EPHA6: variants seen among roughly 807,000 people sequenced by gnomAD.
The protein encoded by EPHA6 is EPH receptor A6.
A neutral mutation model predicts 112.0 loss-of-function variants in EPHA6; 50 were observed. The observed-to-expected ratio is 0.45, with a 90% confidence interval of 0.36 to 0.56. The LOEUF (loss-of-function observed/expected upper bound fraction) is 0.56, where lower values mean the gene tolerates loss of function less well. EPHA6 is among the 20% of genes least tolerant of loss of function. EPHA6 has a pLI of 0.00. For synonymous variants in EPHA6, 529 were observed against 490.7 expected (o/e 1.08, Z -1.03); for missense variants, 1,280 against 1,417.4 (o/e 0.90, Z 1.56).
intron 1 of EPHA6, among the ~76,000 whole-genome samples, chr3:96,864,321 G>C (rs1243423654): frequency 1.3e-5 from 2 of 152,054 alleles, no homozygotes; most frequent in East Asian, 3.9e-4. Context: ...AAATAGCCCA[G>C]ATGTCCATCA....
chr3:96,951,691 G>T (rs781593664), intron 2 of EPHA6, among the ~76,000 whole-genome samples: 7 of 152,166 alleles, frequency 4.6e-5, no homozygotes, highest in Non-Finnish European at 1.0e-4. Flanking sequence ...CAACTAATCT[G>T]ATTTTTATAC....
chr3:97,669,092 G>A (rs1560249631), intron 14 of EPHA6, among the ~76,000 whole-genome samples: 3 of 151,982 alleles, frequency 2.0e-5, no homozygotes, highest in East Asian at 3.9e-4. Flanking sequence ...TAGAATGTTA[G>A]TGAGTCATCC....
intron 5 of EPHA6, among the ~76,000 whole-genome samples, chr3:97,285,327 T>G (rs1464909471): frequency 6.6e-6 from 1 of 152,092 alleles, no homozygotes; most frequent in Non-Finnish European, 1.5e-5. Context: ...ACTTAATCCT[T>G]CTATTTGACT....
intron 3 of EPHA6, among the ~76,000 whole-genome samples, chr3:97,004,825 T>C (rs2043812446): frequency 6.6e-6 from 1 of 151,624 alleles, no homozygotes; most frequent in Non-Finnish European, 1.5e-5. Flanking sequence ...GTATAAGCTA[T>C]AAGGAAAGTG....
At chr3:97,208,767 A>G (rs201021480) in intron 3 of EPHA6, among the ~76,000 whole-genome samples, 2 of 151,922 alleles carry the variant, frequency 1.3e-5, no homozygotes, top group East Asian at 3.9e-4. Context: ...AAAAAATGGA[A>G]GGCTACATAT....
intron 1 of EPHA6, among the ~76,000 whole-genome samples, chr3:96,863,510 T>C (rs993927629): frequency 2.3e-4 from 35 of 152,002 alleles, no homozygotes; most frequent in East Asian, 1.9e-4. Flanking sequence ...TGGAATCTTA[T>C]TTTTTTAAAG....
At chr3:97,526,760 A>G (rs528391964) in intron 10 of EPHA6, among the ~76,000 whole-genome samples, 1 of 152,306 alleles carries the variant, frequency 6.6e-6, no homozygotes, top group Admixed American at 6.5e-5. Flanking sequence ...ACCCTGTGCC[A>G]TTGGGATTAT....
chr3:97,039,629 ATTTTAC>A, intron 3 of EPHA6, among the ~76,000 whole-genome samples: 1 of 151,978 alleles, frequency 6.6e-6, no homozygotes, highest in Non-Finnish European at 1.5e-5. Context: ...AATTTGGGGC[ATTTTAC>A]TTTTAGCTTG....
At chr3:97,583,059 T>C (rs899915390) in intron 11 of EPHA6, among the ~76,000 whole-genome samples, 1 of 149,248 alleles carries the variant, frequency 6.7e-6, no homozygotes, top group East Asian at 2.0e-4. Flanking sequence ...CTTTATCTAG[T>C]GTGCTAAAAG....
At chr3:97,504,803 A>G (rs916860221) in intron 10 of EPHA6, among the ~76,000 whole-genome samples, 9 of 152,164 alleles carry the variant, frequency 5.9e-5, no homozygotes, top group African/African-American at 2.2e-4. Context: ...ATTATACCCT[A>G]TAGTATTTTT....
intron 14 of EPHA6, among the ~76,000 whole-genome samples, chr3:97,660,745 G>GGATTACTT (rs1264978023): frequency 6.6e-6 from 1 of 151,656 alleles, no homozygotes; most frequent in Admixed American, 6.6e-5. Flanking sequence ...GATGACAAAG[G>GGATTACTT]GATTACTTAA....
Position 97,654,148 on chromosome 3 carries a change from G to T in EPHA6, c.2784+16066G>T, listed in dbSNP as rs371302440. Among the ~76,000 whole-genome samples, 14 of 152,000 alleles carry T rather than the reference G, an allele frequency of 9.2e-5. No individual in the cohort carries two copies. The South Asian group carries it at 2.7e-3, about 29-fold the overall frequency. Reference sequence around the variant, plus strand: ...TGTTCTCACCAGAAATTTTAAAAAAGAAAGGTAAATATGTGAGGTGATAAA... The same window carrying T: ...TGTTCTCACCAGAAATTTTAAAAAATAAAGGTAAATATGTGAGGTGATAAA... On this transcript the variant is annotated intron_variant, in intron 14 of 17. Transcript: ENST00000389672.
chr3:96,990,946 A>C (rs570678689), intron 3 of EPHA6, among the ~76,000 whole-genome samples: 2 of 151,380 alleles, frequency 1.3e-5, no homozygotes, highest in African/African-American at 4.9e-5. Flanking sequence ...GTATATCACT[A>C]TTTTTCTTCT....
intron 5 of EPHA6, among the ~76,000 whole-genome samples, chr3:97,341,394 C>T (rs2083295937): frequency 1.3e-5 from 2 of 150,970 alleles, no homozygotes; most frequent in Admixed American, 6.6e-5. Flanking sequence ...CTTGCTCTGT[C>T]GCCAGGCTGG....
At chr3:96,988,113 C>G in intron 3 of EPHA6, 120 bp downstream of exon 3, 1 of 716,528 alleles carries the variant, frequency 1.4e-6, no homozygotes, top group Non-Finnish European at 2.2e-6. Flanking sequence ...TGTTTTGATA[C>G]ATATAATGTA....
intron 4 of EPHA6, among the ~76,000 whole-genome samples, chr3:97,227,826 G>T (rs2108547519): frequency 6.6e-6 from 1 of 152,320 alleles, no homozygotes; most frequent in South Asian, 2.1e-4. Context: ...GTGAAGCAGA[G>T]GACGTAGAAA....
At chr3:97,724,066 T>C (rs1164553430) in intron 15 of EPHA6, among the ~76,000 whole-genome samples, 1 of 152,236 alleles carries the variant, frequency 6.6e-6, no homozygotes, top group Non-Finnish European at 1.5e-5. Flanking sequence ...AATTTGACTA[T>C]GTTCTGTGAG....
At chr3:97,547,385 G>T (rs1468861222) in intron 11 of EPHA6, among the ~76,000 whole-genome samples, 1 of 152,134 alleles carries the variant, frequency 6.6e-6, no homozygotes. Context: ...CAGCAGATGT[G>T]GGTGAACCGC....
chr3:97,615,788 C>T (rs1421622702), intron 13 of EPHA6, among the ~76,000 whole-genome samples: 1 of 152,272 alleles, frequency 6.6e-6, no homozygotes, highest in East Asian at 1.9e-4. Context: ...TCCAGCCACC[C>T]CCTCCTGTGT....
Sources: gnomAD v4.1 joint callset for allele counts (sites outside exome capture counted in the v4.1 genomes callset) on GRCh38, gnomAD v4.1.1 for gene constraint, MANE v1.5 for transcripts, NCBI Gene and HGNC (gene_info 2026-07-23, HGNC 2026-07-21) for gene names.